PCDHA1: variants seen among roughly 807,000 people sequenced by gnomAD.
PCDHA1 encodes the protein protocadherin alpha-1.
Under a neutral mutation model 61.3 loss-of-function variants are expected in PCDHA1, and 42 were observed. That is an observed-to-expected ratio of 0.69 (90% CI 0.54 to 0.89). The LOEUF is 0.89. Ranked by LOEUF, PCDHA1 falls within the 40% of genes least tolerant of loss-of-function variation. The pLI, the probability that PCDHA1 is intolerant of heterozygous loss-of-function variation, is 0.00. For missense variants in PCDHA1, 1,256 were observed against 1,235.3 expected (o/e 1.02, Z -0.25); for synonymous variants, 610 against 553.8 (o/e 1.10, Z -1.43).
intron 1 of PCDHA1, chr5:140,847,563 C>T (rs1288728812): frequency 1.3e-5 from 2 of 148,928 alleles, no homozygotes; most frequent in African/African-American, 2.5e-5. Context: ...GAAATTGCCC[C>T]GAGTACTAAG....
chr5:140,809,795 A>C (rs1554125360), intron 1 of PCDHA1: 2 of 457,272 alleles, frequency 4.4e-6, no homozygotes, highest in African/African-American at 4.0e-5. Flanking sequence ...CAGAACTGTA[A>C]TTTCTAGTAA....
chr5:141,005,118 C>T (rs546410334), intron 3 of PCDHA1, among the ~76,000 whole-genome samples: 1 of 152,198 alleles, frequency 6.6e-6, no homozygotes, highest in South Asian at 2.1e-4. Flanking sequence ...CTTTAGGGAC[C>T]CCAAAAGTGC....
At chr5:140,801,880 T>C in intron 1 of PCDHA1, 1 of 1,614,148 alleles carries the variant, frequency 6.2e-7, no homozygotes, top group Non-Finnish European at 8.5e-7. Context: ...ACGACTCAAC[T>C]AAAGATCACT....
At chr5:140,853,308 C>T in intron 1 of PCDHA1, 1 of 983,184 alleles carries the variant, frequency 1.0e-6, no homozygotes, top group Non-Finnish European at 1.2e-6. Context: ...CTGTGAACAC[C>T]TTAGTAATAA....
At chr5:140,812,428 A>G (rs2126638878) in intron 1 of PCDHA1, 1 of 152,080 alleles carries the variant, frequency 6.6e-6, no homozygotes, top group East Asian at 1.9e-4. Context: ...TTTTCAAAAA[A>G]TCAACTAAGT....
In PCDHA1 at chr5:140,831,742, T is replaced by C. The variant is rs1341664447; in HGVS notation, c.2394+43058T>C. On this transcript the variant is annotated intron_variant, in intron 1 of 3. Coordinates refer to ENST00000504120, the MANE Select transcript of PCDHA1 (RefSeq NM_018900.4). ...TTGGTGTTATCCTCCCTTGCCTAAATTTCATCGCTACCAATTTTGTTTTGT... is the reference window on the plus strand; with the variant it reads ...TTGGTGTTATCCTCCCTTGCCTAAACTTCATCGCTACCAATTTTGTTTTGT... Among the ~76,000 whole-genome samples, 7 of 152,216 alleles carry C rather than the reference T, an allele frequency of 4.6e-5. No individual in the cohort carries two copies. In the South Asian group the frequency reaches 1.5e-3, roughly 32 times the overall value.
chr5:140,921,925 G>A (rs895157006), intron 1 of PCDHA1, among the ~76,000 whole-genome samples: 2 of 151,816 alleles, frequency 1.3e-5, no homozygotes, highest in African/African-American at 4.8e-5. Flanking sequence ...AAAACTTATA[G>A]TCAATATAAT....
At chr5:140,880,582 A>G (rs2058391478) in intron 1 of PCDHA1, among the ~76,000 whole-genome samples, 1 of 152,230 alleles carries the variant, frequency 6.6e-6, no homozygotes, top group South Asian at 2.1e-4. Flanking sequence ...GAAGAGAGGA[A>G]AGAGAATATG....
chr5:140,850,918 A>G (rs2150502117), intron 1 of PCDHA1: 3 of 1,529,350 alleles, frequency 2.0e-6, no homozygotes, highest in Non-Finnish European at 2.6e-6. Context: ...TTATTTATTT[A>G]TATAATTTTT....
chr5:140,843,091 G>A (rs1554139733), intron 1 of PCDHA1: 3 of 1,595,616 alleles, frequency 1.9e-6, no homozygotes, highest in Non-Finnish European at 2.6e-6. Flanking sequence ...CGGGCCACGT[G>A]GTAGCGAAGG....
intron 1 of PCDHA1, among the ~76,000 whole-genome samples, chr5:140,789,850 G>A (rs958813927): frequency 6.6e-6 from 1 of 152,110 alleles, no homozygotes; most frequent in South Asian, 2.1e-4. Flanking sequence ...CAAATTTCCC[G>A]AGGATATCCA....
intron 3 of PCDHA1, 34 bp from the exon 4 acceptor site, chr5:141,009,593 C>T (rs1219056557): frequency 6.2e-7 from 1 of 1,601,902 alleles, no homozygotes; most frequent in Non-Finnish European, 8.5e-7. Context: ...CATGTGTTGA[C>T]CCTGTTAATG....
intron 1 of PCDHA1, among the ~76,000 whole-genome samples, chr5:140,838,140 G>A (rs1775567659): frequency 6.9e-6 from 1 of 145,908 alleles, no homozygotes; most frequent in Admixed American, 6.9e-5. Context: ...GTTTGACAGA[G>A]TTTTACTCTG....
Position 141,009,714 on chromosome 5 carries a change from A to G in PCDHA1, c.2630A>G (p.Lys877Arg), listed in dbSNP as rs1175529844. 1 of 1,613,966 alleles carries G rather than the reference A, an allele frequency of 6.2e-7. No homozygotes were observed. Among genetic ancestry groups the G allele is most frequent in the Non-Finnish European group, 8.5e-7 (1 of 1,180,012 alleles). Reference protein sequence around the residue: ...WTFKYGPGNPKQSGPGELPDK... With the variant: ...WTFKYGPGNPRQSGPGELPDK... ...TTTAAATACGGACCAGGCAACCCCA[A>G]ACAATCCGGTCCCGGTGAGTTGCCC... The change falls in exon 4 of 4, where the codon AAA becomes AGA. Residue 877 changes from lysine to arginine, a missense_variant. By Grantham distance (26) the Lys-to-Arg change is conservative. Transcript: ENST00000504120.
intron 1 of PCDHA1, chr5:140,869,913 C>A (rs782111162): frequency 6.2e-7 from 1 of 1,610,636 alleles, no homozygotes; most frequent in African/African-American, 1.3e-5. Flanking sequence ...CAGACCGAGA[C>A]GAAGGAGTCA....
rs200597765 is a variant in PCDHA1, at chr5:140,848,761, G to T, written c.2394+60077G>T. 1.1e-5 allele frequency: 18 copies of T among 1,593,344 alleles called. 1 individual carries two copies. The highest frequency in any genetic ancestry group is 1.0e-4 in the Admixed American group (6 of 59,114). On this transcript the variant is annotated intron_variant, in intron 1 of 3. Coordinates refer to ENST00000504120, the MANE Select transcript of PCDHA1 (RefSeq NM_018900.4). ...AATGGCATTTTGTTTGTGAATTCTCGGATCGACCGCGAGGAGCTGTGCGGG... is the reference window on the plus strand; with the variant it reads ...AATGGCATTTTGTTTGTGAATTCTCTGATCGACCGCGAGGAGCTGTGCGGG...
intron 1 of PCDHA1, among the ~76,000 whole-genome samples, chr5:140,960,655 T>C (rs2153725891): frequency 6.6e-6 from 1 of 152,296 alleles, no homozygotes; most frequent in East Asian, 1.9e-4. Context: ...TCCAAATCAA[T>C]GAATGCTTTG....
At chr5:140,870,524 TCA>T (rs782755570) in intron 1 of PCDHA1, 1 of 1,614,194 alleles carries the variant, frequency 6.2e-7, no homozygotes, top group Non-Finnish European at 8.5e-7. Context: ...TGCCACATCT[TCA>T]CAGTGTCGGC....
At chr5:140,955,293 T>A (rs2095165956) in intron 1 of PCDHA1, among the ~76,000 whole-genome samples, 1 of 152,182 alleles carries the variant, frequency 6.6e-6, no homozygotes, top group Non-Finnish European at 1.5e-5. Flanking sequence ...ATGGTTTGGC[T>A]GTGTCCCCAC....
Sources: allele counts gnomAD v4.1 joint callset (sites outside exome capture counted in the v4.1 genomes callset), GRCh38; gene constraint gnomAD v4.1.1; transcripts MANE v1.5; gene names NCBI Gene and HGNC (gene_info 2026-07-23, HGNC 2026-07-21).